Variants in ITGBL1 observed in about 807,000 individuals in gnomAD.
ITGBL1 encodes integrin subunit beta like 1, also known as integrin beta-like protein 1.
Under a neutral mutation model 68.5 loss-of-function variants are expected in ITGBL1, and 51 were observed. The observed-to-expected ratio is 0.74, with a 90% CI of 0.59 to 0.94. ITGBL1 has a LOEUF of 0.94. Ranked by LOEUF, ITGBL1 falls within the 40% of genes least tolerant of loss-of-function variation. The probability of loss-of-function intolerance (pLI) is 0.00; values close to 1 mark genes in which losing one functional copy is unlikely to be tolerated. For synonymous variants in ITGBL1, 209 were observed against 227.3 expected (o/e 0.92, Z 0.72); for missense variants, 649 against 647.4 (o/e 1.00, Z -0.03).
Position 101,564,543 on chromosome 13 carries a change from T to G in ITGBL1, c.317-3156T>G, listed in dbSNP as rs373397343. Among the ~76,000 whole-genome samples the G allele has an allele frequency of 4.0e-5, 6 of 150,702 alleles. No homozygotes were observed. In the East Asian group the frequency reaches 1.2e-3, roughly 29 times the overall value. ...ATATACATATATATCCGTACATATATGTATATATAACAATATATAACAATT... is the reference window on the plus strand; with the variant it reads ...ATATACATATATATCCGTACATATAGGTATATATAACAATATATAACAATT... On this transcript the variant is annotated intron_variant, in intron 2 of 10. Coordinates refer to ENST00000376180, the MANE Select transcript of ITGBL1 (RefSeq NM_004791.3).
At position 101,677,593 on chromosome 13, in the gene ITGBL1, C is replaced by A. The variant is rs549586014; in HGVS notation, c.1016-14992C>A. On this transcript the variant is annotated intron_variant, in intron 7 of 10. Transcript: ENST00000376180. ...CAGACTCCAGAGCACAAACGACCAA[C>A]CTTTATGAAATATGAACTTCCTGGC... Among the ~76,000 whole-genome samples, 25 of 152,210 alleles carry A rather than the reference C, an allele frequency of 1.6e-4. No individual in the cohort carries two copies. In the South Asian group the frequency reaches 2.5e-3, roughly 15 times the overall value.
intron 7 of ITGBL1, among the ~76,000 whole-genome samples, chr13:101,688,515 A>G (rs540204994): frequency 3.3e-5 from 5 of 152,308 alleles, no homozygotes; most frequent in African/African-American, 1.2e-4. Context: ...GAAAAGTTTA[A>G]GTTGGACCAT....
At chr13:101,696,601 A>G (rs1396344824) in intron 8 of ITGBL1, among the ~76,000 whole-genome samples, 1 of 151,900 alleles carries the variant, frequency 6.6e-6, no homozygotes, top group African/African-American at 2.4e-5. Context: ...TTTCCAAATT[A>G]CCTCCTATAG....
intron 3 of ITGBL1, 38 bp from the exon 4 acceptor site, chr13:101,575,386 G>A (rs759506466): frequency 6.3e-7 from 1 of 1,586,862 alleles, no homozygotes. Flanking sequence ...AATTTTATGT[G>A]CATGTAACAA....
rs115143281 is a variant in ITGBL1, at chr13:101,683,388, C to T, written c.1016-9197C>T. ...CTACATTATGTTCTTGAGACTCAGG[C>T]ATTACGTTGAATGTATTTGCGATTC... On this transcript the variant is annotated intron_variant, in intron 7 of 10. Transcript: ENST00000376180. Among the ~76,000 whole-genome samples the T allele has an allele frequency of 7.7e-3, 1,167 of 152,070 alleles. 11 individuals are homozygous for T. Among genetic ancestry groups the T allele is most frequent in the African/African-American group, 0.026 (1,095 of 41,532 alleles).
At chr13:101,661,683 A>C (rs2033093999) in intron 7 of ITGBL1, among the ~76,000 whole-genome samples, 1 of 152,198 alleles carries the variant, frequency 6.6e-6, no homozygotes, top group South Asian at 2.1e-4. Flanking sequence ...TCATCATGCT[A>C]TTTCAGAATG....
At chr13:101,521,739 T>G (rs143904699) in intron 2 of ITGBL1, among the ~76,000 whole-genome samples, 134 of 152,276 alleles carry the variant, frequency 8.8e-4, no homozygotes, top group African/African-American at 3.1e-3. Context: ...CCTTTCCTGA[T>G]GTATCCATTT....
chr13:101,607,823 C>T (rs1398125463), intron 7 of ITGBL1, among the ~76,000 whole-genome samples: 1 of 152,032 alleles, frequency 6.6e-6, no homozygotes, highest in African/African-American at 2.4e-5. Context: ...CTTTCATTGA[C>T]TTCTATAATC....
At chr13:101,520,223 A>C (rs1337946076) in intron 2 of ITGBL1, among the ~76,000 whole-genome samples, 1 of 152,172 alleles carries the variant, frequency 6.6e-6, no homozygotes, top group East Asian at 1.9e-4. Context: ...AAAAACATAA[A>C]TTTTGTGGGA....
At chr13:101,546,782 T>A (rs916319426) in intron 2 of ITGBL1, among the ~76,000 whole-genome samples, 1 of 152,082 alleles carries the variant, frequency 6.6e-6, no homozygotes, top group African/African-American at 2.4e-5. Context: ...CCAGAAATAT[T>A]TTTTAATCTG....
chr13:101,705,074 G>A (rs1384355556), intron 8 of ITGBL1, among the ~76,000 whole-genome samples: 1 of 151,896 alleles, frequency 6.6e-6, no homozygotes, highest in Non-Finnish European at 1.5e-5. Context: ...ATTCGTATCC[G>A]ATGTTTTTCC....
intron 7 of ITGBL1, among the ~76,000 whole-genome samples, chr13:101,614,444 C>T (rs939094126): frequency 6.6e-6 from 1 of 152,020 alleles, no homozygotes; most frequent in Non-Finnish European, 1.5e-5. Context: ...AGAGGCATTC[C>T]TCAGGATTAT....
At chr13:101,540,460 G>C (rs1594876562) in intron 2 of ITGBL1, among the ~76,000 whole-genome samples, 2 of 152,150 alleles carry the variant, frequency 1.3e-5, no homozygotes, top group Admixed American at 6.5e-5. Flanking sequence ...CTATAGCCTT[G>C]TAGTATAGTT....
At chr13:101,460,807 A>G (rs1013549827) in intron 2 of ITGBL1, among the ~76,000 whole-genome samples, 1 of 92,272 alleles carries the variant, frequency 1.1e-5, no homozygotes, top group Admixed American at 1.1e-4. Flanking sequence ...GAGGGGTACC[A>G]CATTCTTTTA....
At chr13:101,597,937 T>G (rs1158456116) in intron 6 of ITGBL1, among the ~76,000 whole-genome samples, 1 of 152,146 alleles carries the variant, frequency 6.6e-6, no homozygotes, top group African/African-American at 2.4e-5. Flanking sequence ...CTTACTAAAC[T>G]GTTTATCTTA....
intron 7 of ITGBL1, among the ~76,000 whole-genome samples, chr13:101,675,800 T>C (rs1178848189): frequency 6.6e-6 from 1 of 152,186 alleles, no homozygotes; most frequent in Admixed American, 6.5e-5. Flanking sequence ...CCCAATTAGA[T>C]GCATGAGATA....
At chr13:101,625,851 G>T (rs968860799) in intron 7 of ITGBL1, among the ~76,000 whole-genome samples, 1 of 152,176 alleles carries the variant, frequency 6.6e-6, no homozygotes, top group African/African-American at 2.4e-5. Context: ...ACCGCACCCG[G>T]CCAGTAATGG....
rs186876215 is a variant in ITGBL1 at position 101,678,698 on chromosome 13, A to G, written c.1016-13887A>G. 1.6e-4 allele frequency among the ~76,000 whole-genome samples: 25 copies of G among 152,074 alleles called. No homozygotes were observed. In the East Asian group the frequency reaches 4.5e-3, roughly 27 times the overall value. On this transcript the variant is annotated intron_variant, in intron 7 of 10. Transcript: ENST00000376180. ...GTATTTTTAGTAGAGACTGGGTTTCACCATGTTGGCCAGGCTAGTCTTGAA... is the reference window on the plus strand; with the variant it reads ...GTATTTTTAGTAGAGACTGGGTTTCGCCATGTTGGCCAGGCTAGTCTTGAA...
intron 2 of ITGBL1, among the ~76,000 whole-genome samples, chr13:101,534,123 G>A (rs902342385): frequency 3.3e-5 from 5 of 152,060 alleles, no homozygotes; most frequent in Non-Finnish European, 7.4e-5. Context: ...ATAGACTACC[G>A]TTCTTGTATC....
Sources: allele counts gnomAD v4.1 joint callset (sites outside exome capture counted in the v4.1 genomes callset), GRCh38; gene constraint gnomAD v4.1.1; transcripts MANE v1.5; gene names NCBI Gene and HGNC (gene_info 2026-07-23, HGNC 2026-07-21).